WDPCP: variants seen among roughly 807,000 people sequenced by gnomAD.
WDPCP encodes WD repeat-containing and planar cell polarity effector protein fritz homolog.
In WDPCP, 71 loss-of-function variants were observed where a neutral mutation model predicts 93.1. That is an observed-to-expected ratio of 0.76 (90% CI 0.63 to 0.93). The LOEUF (loss-of-function observed/expected upper bound fraction) is 0.93, where lower values mean the gene tolerates loss of function less well. Ranked by LOEUF, WDPCP falls within the 40% of genes least tolerant of loss-of-function variation. The pLI is 0.00. For synonymous variants in WDPCP, 315 were observed against 315.0 expected (o/e 1.00, Z 0.00); for missense variants, 844 against 887.4 (o/e 0.95, Z 0.62).
intron 13 of WDPCP, among the ~76,000 whole-genome samples, chr2:63,275,431 C>T (rs1683007870): frequency 6.6e-6 from 1 of 152,112 alleles, no homozygotes; most frequent in African/African-American, 2.4e-5. Flanking sequence ...ACTGTAAGTA[C>T]TAGCTAGAAC....
At chr2:63,420,283 G>A (rs1012398140) in intron 9 of WDPCP, among the ~76,000 whole-genome samples, 20 of 151,650 alleles carry the variant, frequency 1.3e-4, no homozygotes, top group African/African-American at 4.6e-4. Context: ...AACACTTGGG[G>A]AGGCCAAGGT....
intron 2 of WDPCP, among the ~76,000 whole-genome samples, chr2:63,733,211 A>G (rs1297410996): frequency 7.0e-4 from 54 of 77,066 alleles, no homozygotes; most frequent in African/African-American, 4.4e-3. Flanking sequence ...TTTTTTTTTT[A>G]AGACGGAGTC....
chr2:63,235,783 A>G (rs944505223), intron 14 of WDPCP, among the ~76,000 whole-genome samples: 12 of 152,172 alleles, frequency 7.9e-5, no homozygotes, highest in Admixed American at 7.9e-4. Context: ...AAAGCCTTTG[A>G]TAACATCCAA....
chr2:63,731,052 C>T (rs1015594187), intron 2 of WDPCP, among the ~76,000 whole-genome samples: 1 of 151,912 alleles, frequency 6.6e-6, no homozygotes, highest in African/African-American at 2.4e-5. Flanking sequence ...GGGCGGATCA[C>T]GAGGTCAGGA....
chr2:63,634,560 A>G (rs1709901990), intron 3 of WDPCP, among the ~76,000 whole-genome samples: 1 of 152,256 alleles, frequency 6.6e-6, no homozygotes, highest in African/African-American at 2.4e-5. Flanking sequence ...CAATGGCAGC[A>G]GAATATACAT....
At chr2:63,290,244 T>C (rs1020041738) in intron 13 of WDPCP, among the ~76,000 whole-genome samples, 6 of 152,036 alleles carry the variant, frequency 3.9e-5, no homozygotes, top group Non-Finnish European at 8.8e-5. Flanking sequence ...TTTACATTTT[T>C]TTTAAAATCC....
chr2:63,133,545 G>A (rs1365157847), intron 17 of WDPCP, among the ~76,000 whole-genome samples: 2 of 152,124 alleles, frequency 1.3e-5, no homozygotes, highest in East Asian at 3.9e-4. Flanking sequence ...GAATCATGGG[G>A]GCAGTTTTCC....
chr2:63,156,581 CAA>C (rs1672266670), intron 15 of WDPCP, among the ~76,000 whole-genome samples: 1 of 151,460 alleles, frequency 6.6e-6, no homozygotes, highest in Non-Finnish European at 1.5e-5. Flanking sequence ...ACTAAAAATA[CAA>C]AAAAATTAGC....
intron 17 of WDPCP, among the ~76,000 whole-genome samples, chr2:63,138,709 C>T (rs1484451777): frequency 2.0e-5 from 3 of 152,148 alleles, no homozygotes; most frequent in African/African-American, 7.2e-5. Context: ...GCCTCAGCCT[C>T]CGAAAGTTCT....
intron 14 of WDPCP, among the ~76,000 whole-genome samples, chr2:63,254,407 C>CTAAAAAATTCACCAATACAG (rs1343458006): frequency 6.6e-6 from 1 of 152,022 alleles, no homozygotes; most frequent in Non-Finnish European, 1.5e-5. Flanking sequence ...AAAAAAACTT[C>CTAAAAAATTCACCAATACAG]TAAAAAATTC....
intron 1 of WDPCP, among the ~76,000 whole-genome samples, chr2:63,569,603 T>G (rs1244310114): frequency 6.6e-6 from 1 of 152,216 alleles, no homozygotes; most frequent in East Asian, 1.9e-4. Flanking sequence ...CTTTCTTCCT[T>G]CTATAGCTTT....
At chr2:63,454,933 C>T (rs1698520788) in intron 6 of WDPCP, among the ~76,000 whole-genome samples, 1 of 151,972 alleles carries the variant, frequency 6.6e-6, no homozygotes, top group South Asian at 2.1e-4. Context: ...AAAATATAAC[C>T]ACCCAAAGAT....
At chr2:63,333,199 C>A (rs898643109) in intron 12 of WDPCP, among the ~76,000 whole-genome samples, 1 of 152,106 alleles carries the variant, frequency 6.6e-6, no homozygotes, top group African/African-American at 2.4e-5. Context: ...GCCCTACAAA[C>A]CAAAAATTCT....
chr2:63,169,727 C>T (rs997030705), intron 15 of WDPCP, among the ~76,000 whole-genome samples: 1 of 151,994 alleles, frequency 6.6e-6, no homozygotes, highest in Admixed American at 6.6e-5. Context: ...TCTCCCATTC[C>T]ATTACTTTTT....
intron 17 of WDPCP, among the ~76,000 whole-genome samples, chr2:63,141,112 C>T (rs1367790846): frequency 1.3e-5 from 2 of 151,756 alleles, no homozygotes; most frequent in African/African-American, 2.4e-5. Flanking sequence ...CAGAGTCTCA[C>T]TCTGTTGCCC....
chr2:63,476,481 A>G (rs13025802), intron 6 of WDPCP, among the ~76,000 whole-genome samples: 3 of 152,042 alleles, frequency 2.0e-5, no homozygotes, highest in African/African-American at 7.2e-5. Context: ...ATTCTCCACA[A>G]ATTTGTTCTT....
chr2:63,348,950 T>C (rs1689384331), intron 12 of WDPCP, among the ~76,000 whole-genome samples: 1 of 152,158 alleles, frequency 6.6e-6, no homozygotes, highest in Non-Finnish European at 1.5e-5. Context: ...ATTGTGGACC[T>C]GAAAACATGT....
chr2:63,200,165 G>T (rs1480686362), intron 14 of WDPCP, among the ~76,000 whole-genome samples: 1 of 152,108 alleles, frequency 6.6e-6, no homozygotes, highest in African/African-American at 2.4e-5. Context: ...ACTAGTTTTT[G>T]ATTTTACAGG....
chr2:63,793,184 C>T (rs1417489317), intron 2 of WDPCP, among the ~76,000 whole-genome samples: 1 of 151,988 alleles, frequency 6.6e-6, no homozygotes, highest in Non-Finnish European at 1.5e-5. Flanking sequence ...TTTGCAGGCA[C>T]ATTTATAGCA....
Sources: allele counts gnomAD v4.1 joint callset (sites outside exome capture counted in the v4.1 genomes callset), GRCh38; gene constraint gnomAD v4.1.1; transcripts MANE v1.5; gene names NCBI Gene and HGNC (gene_info 2026-07-23, HGNC 2026-07-21).